The following ZNF268 variants were observed in gnomAD, a reference collection of about 807,000 sequenced individuals.
ZNF268 encodes zinc finger protein 268.
Under a neutral mutation model 29.3 loss-of-function variants are expected in ZNF268, and 20 were observed. The ratio of observed to expected loss-of-function variants is 0.68; its 90% confidence interval spans 0.48 to 0.99. The LOEUF (loss-of-function observed/expected upper bound fraction) is 0.99. Among genes scored for constraint, ZNF268 ranks in the 50% least tolerant of loss-of-function variants. The probability of loss-of-function intolerance (pLI) is 0.00; values close to 1 mark genes in which losing one functional copy is unlikely to be tolerated. For missense variants in ZNF268, 1,240 were observed against 1,121.6 expected (o/e 1.11, Z -1.51); for synonymous variants, 429 against 376.9 (o/e 1.14, Z -1.60).
chr12:133,184,016 TATAAC>T (rs747629023), intron 2 of ZNF268, among the ~76,000 whole-genome samples: 15 of 152,226 alleles, frequency 9.9e-5, no homozygotes, highest in East Asian at 7.7e-4. Flanking sequence ...CTGAGGAACT[TATAAC>T]AGATACTACT....
At chr12:133,194,923 T>A (rs184591896) in intron 5 of ZNF268, among the ~76,000 whole-genome samples, 1 of 68,200 alleles carries the variant, frequency 1.5e-5, no homozygotes, top group East Asian at 2.3e-4. Flanking sequence ...TGTACTACAT[T>A]AATACAAGTC....
intron 2 of ZNF268, among the ~76,000 whole-genome samples, chr12:133,182,263 T>C (rs59606937): frequency 0.19 from 29,164 of 152,248 alleles, 3,579 homozygotes; most frequent in Non-Finnish European, 0.27. Context: ...CGCTGAACTT[T>C]GGAGTTAAAC....
chr12:133,210,427 TGAG>T lies in ZNF268; in HGVS notation c.*5901_*5903del, dbSNP rs375914082. The T allele has an allele frequency of 2.2e-4, 43 of 197,654 alleles. No individual in the cohort carries two copies. In the East Asian group the frequency reaches 4.8e-3, roughly 22 times the overall value. 12.2% of individuals were successfully genotyped at this position (197,654 alleles called of 1,614,324 possible). On this transcript the variant is annotated 3_prime_UTR_variant, in exon 6 of 6. Transcript: ENST00000536435. ...CTCCCAGGGGTCCCCAGGTTGGTCCTGAGGAGAAGGAAGCTCAGAACCTCACTG... is the reference window on the plus strand; with the variant it reads ...CTCCCAGGGGTCCCCAGGTTGGTCCTGAGAAGGAAGCTCAGAACCTCACTG...
chr12:133,200,908 C>T (rs1440737340), intron 5 of ZNF268, among the ~76,000 whole-genome samples: 1 of 152,092 alleles, frequency 6.6e-6, no homozygotes, highest in South Asian at 2.1e-4. Flanking sequence ...TCTCCTCCCT[C>T]CATACCTTCC....
At chr12:133,198,771 C>G (rs1956679426) in intron 5 of ZNF268, among the ~76,000 whole-genome samples, 1 of 149,296 alleles carries the variant, frequency 6.7e-6, no homozygotes, top group Non-Finnish European at 1.5e-5. Context: ...AGTTGGATTC[C>G]TAGGTATTTT....
chr12:133,204,275 A>T lies in ZNF268; in HGVS notation c.2589A>T (p.Pro863=). The T allele has an allele frequency of 1.3e-6, 2 of 1,551,514 alleles. No individual in the cohort carries two copies. Among genetic ancestry groups the T allele is most frequent in the Non-Finnish European group, 1.7e-6 (2 of 1,151,894 alleles). ...VHQRMHTREK[P]YECSECGKAF... ...AGAGAATGCACACAAGAGAGAAACC[A>T]TATGAATGCAGTGAGTGTGGAAAAG... Residue 863 remains proline (P), a synonymous_variant, in exon 6 of 6, where the codon CCA becomes CCT. Coordinates refer to ENST00000536435, the MANE Select transcript of ZNF268 (RefSeq NM_003415.3).
At position 133,203,104 on chromosome 12, in the gene ZNF268, G is replaced by T. The variant is rs573685939; in HGVS notation, c.1418G>T (p.Gly473Val). ...ATTCACACAGGAGTAAAGCCCTATG[G>T]GTGTATTCAGTGTGGTAAAGGATTC... ...QGIHTGVKPY[G>V]CIQCGKGFSL... The change falls in exon 6 of 6, where the codon GGG becomes GTG. Residue 473 changes from glycine (G) to valine (V), a missense_variant. Transcript: ENST00000536435. The T allele has an allele frequency of 4.6e-6, 7 of 1,537,046 alleles. No homozygotes were observed. The highest frequency in any genetic ancestry group is 5.2e-6 in the Non-Finnish European group (6 of 1,146,744).
chr12:133,184,134 T>A (rs1295163838), intron 2 of ZNF268, among the ~76,000 whole-genome samples: 1 of 151,958 alleles, frequency 6.6e-6, no homozygotes, highest in Non-Finnish European at 1.5e-5. Flanking sequence ...TTGGAGACAG[T>A]CTCTCTCTGT....
At chr12:133,183,483 G>C (rs1479568896) in intron 2 of ZNF268, among the ~76,000 whole-genome samples, 1 of 150,472 alleles carries the variant, frequency 6.6e-6, no homozygotes, top group South Asian at 2.1e-4. Context: ...CTGGGTGACA[G>C]AGCAAGACTC....
Position 133,213,565 on chromosome 12 carries a change from A to T in ZNF268, c.*9035A>T, listed in dbSNP as rs1957016858. On this transcript the variant is annotated 3_prime_UTR_variant, in exon 6 of 6. Transcript: ENST00000536435. ...AAAAAAAAAAGCCGGGTGTGGTGGC[A>T]TGTGCCTGTAATCCCAGCAACTCAG... is the stretch of plus-strand genomic sequence containing the variant. The T allele has an allele frequency of 1.3e-5, 2 of 151,212 alleles. No homozygotes were observed. The highest frequency in any genetic ancestry group is 1.3e-4 in the Admixed American group (2 of 15,154). 9.4% of individuals were successfully genotyped at this position (151,212 alleles called of 1,614,324 possible).
rs1053474330 is a variant in ZNF268 at position 133,211,716 on chromosome 12, T to G, written c.*7186T>G. The G allele has an allele frequency of 1.3e-5, 2 of 152,102 alleles. No individual in the cohort carries two copies. Among genetic ancestry groups the G allele is most frequent in the Admixed American group, 6.5e-5 (1 of 15,270 alleles). The allele number at this position is 152,102 out of a possible 1,614,324, so 9.4% of individuals were successfully genotyped here. A position where few individuals can be genotyped will look rare whatever the true frequency, so the allele number is the denominator to read the frequency against. On this transcript the variant is annotated 3_prime_UTR_variant, in exon 6 of 6. Transcript: ENST00000536435. ...CGCACATCTATTAAAGTGACTATAATCTAAAAATAAGTAAATTTGCAATTG... is the reference window on the plus strand; with the variant it reads ...CGCACATCTATTAAAGTGACTATAAGCTAAAAATAAGTAAATTTGCAATTG...
Position 133,210,216 on chromosome 12 carries a change from C to T in ZNF268, c.*5686C>T, listed in dbSNP as rs1956957381. 6.6e-6 allele frequency: 1 copy of T among 152,516 alleles called. No individual in the cohort carries two copies. The highest frequency in any genetic ancestry group is 1.5e-5 in the Non-Finnish European group (1 of 68,308). 9.4% of individuals were successfully genotyped at this position (152,516 alleles called of 1,614,324 possible). Reference sequence around the variant, plus strand: ...GCCCCAGATTGGTCCGGAAAGTGCACTGGTCGTCACTGTGGGTGTACCCTA... The same window carrying T: ...GCCCCAGATTGGTCCGGAAAGTGCATTGGTCGTCACTGTGGGTGTACCCTA... On this transcript the variant is annotated 3_prime_UTR_variant, in exon 6 of 6. Coordinates refer to ENST00000536435, the MANE Select transcript of ZNF268 (RefSeq NM_003415.3).
chr12:133,189,682 C>G (rs1956415695), intron 3 of ZNF268, among the ~76,000 whole-genome samples: 1 of 152,182 alleles, frequency 6.6e-6, no homozygotes, highest in Non-Finnish European at 1.5e-5. Context: ...TCATCTTCAT[C>G]TTTTCGTTGG....
chr12:133,183,913 A>G (rs1050508872), intron 2 of ZNF268, among the ~76,000 whole-genome samples: 7 of 152,234 alleles, frequency 4.6e-5, no homozygotes, highest in African/African-American at 1.4e-4. Flanking sequence ...GGAAACCTCA[A>G]AAATGCTTGT....
chr12:133,212,459 A>ATATG lies in ZNF268; in HGVS notation c.*7932_*7933insGTAT, dbSNP rs1956995914. On this transcript the variant is annotated 3_prime_UTR_variant, in exon 6 of 6. Transcript: ENST00000536435. ...CATGTGTGATTTTATATATATATAT[A>ATATG]TATATATATATATATATATATATAT... 2.1e-4 allele frequency: 2 copies of ATATG among 9,606 alleles called. No individual in the cohort carries two copies. The highest frequency in any genetic ancestry group is 1.4e-3 in the African/African-American group (1 of 720). The allele number at this position is 9,606 out of a possible 1,614,324, so 0.6% of individuals were successfully genotyped here.
intron 5 of ZNF268, among the ~76,000 whole-genome samples, chr12:133,194,225 A>G (rs1440779506): frequency 6.6e-6 from 1 of 152,246 alleles, no homozygotes; most frequent in Non-Finnish European, 1.5e-5. Context: ...GCATGACAGC[A>G]TAAATCAACA....
chr12:133,188,452 C>T (rs765555641), intron 3 of ZNF268, among the ~76,000 whole-genome samples: 35 of 152,180 alleles, frequency 2.3e-4, no homozygotes, highest in Non-Finnish European at 4.3e-4. Flanking sequence ...CTGCCTCAGC[C>T]TCCTGAGGTG....
intron 5 of ZNF268, among the ~76,000 whole-genome samples, chr12:133,197,228 C>T (rs1228817776): frequency 8.1e-5 from 11 of 136,262 alleles, no homozygotes; most frequent in South Asian, 2.5e-4. Context: ...TGATGTTCCC[C>T]TTCCTGTGTC....
chr12:133,184,410 C>A (rs1249113786), intron 2 of ZNF268, among the ~76,000 whole-genome samples: 1 of 151,988 alleles, frequency 6.6e-6, no homozygotes, highest in Non-Finnish European at 1.5e-5. Context: ...CGGCTCTGCT[C>A]TCTGCTTTCA....
Sources: gnomAD v4.1 joint callset for allele counts (sites outside exome capture counted in the v4.1 genomes callset) on GRCh38, gnomAD v4.1.1 for gene constraint, MANE v1.5 for transcripts, NCBI Gene and HGNC (gene_info 2026-07-23, HGNC 2026-07-21) for gene names.